The following CDH23 variants were observed in gnomAD, a reference collection of about 807,000 sequenced individuals.
The protein encoded by CDH23 is cadherin related 23.
Under a neutral mutation model 317.1 loss-of-function variants are expected in CDH23, and 189 were observed. The observed-to-expected ratio is 0.60, with a 90% CI of 0.53 to 0.67. The LOEUF is 0.67. Among genes scored for constraint, CDH23 ranks in the 30% least tolerant of loss-of-function variants. The probability of loss-of-function intolerance (pLI) is 0.00; values close to 1 mark genes in which losing one functional copy is unlikely to be tolerated. For synonymous variants in CDH23, 1,839 were observed against 1,876.8 expected (o/e 0.98, Z 0.52); for missense variants, 4,401 against 4,592.4 (o/e 0.96, Z 1.20).
chr10:71,716,446 G>A (rs902027954), intron 28 of CDH23: 83 of 889,606 alleles, frequency 9.3e-5, no homozygotes, highest in South Asian at 7.2e-5. Flanking sequence ...GCAAGGCACT[G>A]TTAAACTGGA....
At position 71,740,887 on chromosome 10, in the gene CDH23, G is replaced by A. The variant is rs1839716805; in HGVS notation, c.4554G>A (p.Leu1518=). The change falls in exon 37 of 70, where the codon CTG becomes CTA. Residue 1518 remains leucine (L), a synonymous_variant. Transcript: ENST00000224721. The part of the protein sequence containing the change: ...KKDHILQVTI[L]DINDNPPVIE... ...ACCACATCCTGCAGGTGACCATCCT[G>A]GACATCAATGACAACCCTCCAGTCA... The A allele has an allele frequency of 6.2e-7, 1 of 1,613,972 alleles. No individual in the cohort carries two copies. Among genetic ancestry groups the A allele is most frequent in the Non-Finnish European group, 8.5e-7 (1 of 1,179,888 alleles).
In CDH23 at chr10:71,542,486, C is replaced by T. The variant is rs145156915; in HGVS notation, c.430-24256C>T. 3.9e-5 allele frequency among the ~76,000 whole-genome samples: 6 copies of T among 152,294 alleles called. No homozygotes were observed. In the South Asian group the frequency reaches 8.3e-4, roughly 21 times the overall value. On this transcript the variant is annotated intron_variant, in intron 6 of 69. Transcript: ENST00000224721. ...TTCTTGGTCACAAGGCTGCCACCTC[C>T]GATGGCAGGACTCAGGGCCTGGCCT...
At chr10:71,630,363 G>T (rs988591271) in intron 11 of CDH23, among the ~76,000 whole-genome samples, 1 of 152,144 alleles carries the variant, frequency 6.6e-6, no homozygotes, top group African/African-American at 2.4e-5. Flanking sequence ...CAGGGGTGGG[G>T]GTGGGTGAAT....
Position 71,514,861 on chromosome 10 carries a change from C to G in CDH23, c.429+3649C>G, listed in dbSNP as rs767361195. ...GTATTCATTTCAGGCTAATGGCTGTCATGCTGACTGCTGTTTGATTTGCTG... is the reference window on the plus strand; with the variant it reads ...GTATTCATTTCAGGCTAATGGCTGTGATGCTGACTGCTGTTTGATTTGCTG... On this transcript the variant is annotated intron_variant, in intron 6 of 69. Transcript: ENST00000224721. Among the ~76,000 whole-genome samples the G allele has an allele frequency of 1.4e-4, 22 of 152,342 alleles. 1 individual carries two copies. In the South Asian group the frequency reaches 2.7e-3, roughly 19 times the overall value.
intron 6 of CDH23, among the ~76,000 whole-genome samples, chr10:71,513,567 G>A (rs1372008187): frequency 1.3e-5 from 2 of 152,214 alleles, no homozygotes; most frequent in African/African-American, 4.8e-5. Flanking sequence ...AGGTGTGAAT[G>A]CCAGGGTCTG....
At chr10:71,453,604 C>CCCTCCTCCCTGAAA (rs1455406403) in intron 3 of CDH23, among the ~76,000 whole-genome samples, 1 of 152,246 alleles carries the variant, frequency 6.6e-6, no homozygotes, top group Non-Finnish European at 1.5e-5. Context: ...AAGGAACTGT[C>CCCTCCTCCCTGAAA]CCTCCTCCCT....
intron 1 of CDH23, among the ~76,000 whole-genome samples, chr10:71,432,412 T>G (rs945935261): frequency 1.1e-5 from 1 of 87,600 alleles, no homozygotes; most frequent in East Asian, 3.6e-4. Flanking sequence ...TTTGTGTGTG[T>G]GTGAGTGTGT....
chr10:71,487,526 G>C (rs1852418904), intron 3 of CDH23, among the ~76,000 whole-genome samples: 5 of 152,202 alleles, frequency 3.3e-5, no homozygotes, highest in Admixed American at 1.3e-4. Flanking sequence ...AGGAGGCTCT[G>C]TGTTCCTTTT....
chr10:71,638,768 G>A (rs148155275), intron 11 of CDH23, among the ~76,000 whole-genome samples: 239 of 152,280 alleles, frequency 1.6e-3, no homozygotes, highest in Non-Finnish European at 2.3e-3. Flanking sequence ...ACACGGAGCC[G>A]GGTCTGCTGG....
intron 3 of CDH23, among the ~76,000 whole-genome samples, chr10:71,469,722 C>T (rs1449870489): frequency 6.6e-6 from 1 of 152,132 alleles, no homozygotes; most frequent in Admixed American, 6.6e-5. Context: ...TCTCCTACCT[C>T]AGCCTCCCAA....
rs191132533 is a variant in CDH23, at chr10:71,435,289, G to A, written c.-5-4538G>A. ...GTTAGAATTATGAATCTGATGTGTGGGTAGCTTGAACCCTGAAAACTGGGA... is the reference window on the plus strand; with the variant it reads ...GTTAGAATTATGAATCTGATGTGTGAGTAGCTTGAACCCTGAAAACTGGGA... On this transcript the variant is annotated intron_variant, in intron 1 of 69. Coordinates refer to ENST00000224721, the MANE Select transcript of CDH23 (RefSeq NM_022124.6). Among the ~76,000 whole-genome samples, 179 of 152,312 alleles carry A rather than the reference G, an allele frequency of 1.2e-3. 1 individual carries two copies. The highest frequency in any genetic ancestry group is 4.1e-3 in the African/African-American group (171 of 41,570).
intron 1 of CDH23, among the ~76,000 whole-genome samples, chr10:71,411,857 G>A (rs920510500): frequency 8.5e-5 from 13 of 152,142 alleles, no homozygotes; most frequent in Admixed American, 7.9e-4. Context: ...GTGCAGTTCA[G>A]TGGCATTAGT....
intron 28 of CDH23, among the ~76,000 whole-genome samples, chr10:71,718,252 C>T (rs370148087): frequency 6.6e-6 from 1 of 152,198 alleles, no homozygotes; most frequent in Non-Finnish European, 1.5e-5. Context: ...GTTCCCCACC[C>T]GAGGGACTCC....
intron 28 of CDH23, among the ~76,000 whole-genome samples, chr10:71,718,103 T>G (rs983013920): frequency 6.6e-6 from 1 of 152,184 alleles, no homozygotes; most frequent in African/African-American, 2.4e-5. Flanking sequence ...GGGTGGGGGA[T>G]AGCAGATTTT....
At chr10:71,448,303 G>C (rs910090884) in intron 3 of CDH23, among the ~76,000 whole-genome samples, 1 of 152,238 alleles carries the variant, frequency 6.6e-6, no homozygotes, top group African/African-American at 2.4e-5. Flanking sequence ...CTTCAGCTCT[G>C]GCTCTTGATT....
chr10:71,454,848 T>TC (rs199550536), intron 3 of CDH23, among the ~76,000 whole-genome samples: 4 of 131,532 alleles, frequency 3.0e-5, no homozygotes, highest in African/African-American at 1.1e-4. Flanking sequence ...ACATTTTATT[T>TC]TTTTTTTTTT....
chr10:71,525,648 G>A (rs1000850309), intron 6 of CDH23, among the ~76,000 whole-genome samples: 1 of 152,204 alleles, frequency 6.6e-6, no homozygotes, highest in African/African-American at 2.4e-5. Context: ...TAGGTGGGGA[G>A]AGAGGGAGAG....
In CDH23 at chr10:71,456,616, C is replaced by G. The variant is rs534661852; in HGVS notation, c.145+10221C>G. On this transcript the variant is annotated intron_variant, in intron 3 of 69. Coordinates refer to ENST00000224721, the MANE Select transcript of CDH23 (RefSeq NM_022124.6). ...TGTGCCACCTGTCGTGTGAGCATGC[C>G]ATTAATGCCAGGCACTGAACACCTG... Among the ~76,000 whole-genome samples, 419 of 152,296 alleles carry G rather than the reference C, an allele frequency of 2.8e-3. 1 individual carries two copies. The highest frequency in any genetic ancestry group is 9.8e-3 in the African/African-American group (408 of 41,540).
intron 7 of CDH23, among the ~76,000 whole-genome samples, chr10:71,569,895 A>C (rs1025433401): frequency 6.6e-6 from 1 of 150,698 alleles, no homozygotes; most frequent in Non-Finnish European, 1.5e-5. Context: ...ATTAAAAAAA[A>C]ATTTTTTTTT....
Sources: allele counts gnomAD v4.1 joint callset (sites outside exome capture counted in the v4.1 genomes callset), GRCh38; gene constraint gnomAD v4.1.1; transcripts MANE v1.5; gene names NCBI Gene and HGNC (gene_info 2026-07-23, HGNC 2026-07-21).